The following NDFIP2 variants were observed in gnomAD, a reference collection of about 807,000 sequenced individuals.
The protein encoded by NDFIP2 is NEDD4 family-interacting protein 2.
A neutral mutation model predicts 36.0 loss-of-function variants in NDFIP2; 19 were observed. That is an observed-to-expected ratio of 0.53 (90% CI 0.37 to 0.77). The LOEUF (loss-of-function observed/expected upper bound fraction) is 0.77. Among genes scored for constraint, NDFIP2 ranks in the 30% least tolerant of loss-of-function variants. NDFIP2 has a pLI of 0.00. For synonymous variants in NDFIP2, 181 were observed against 167.7 expected, an observed-to-expected ratio of 1.08 and a Z score of -0.61; for missense variants, 446 against 435.8, an observed-to-expected ratio of 1.02 and a Z score of -0.21.
chr13:79,481,273 C>A lies in NDFIP2; in HGVS notation c.70C>A (p.Pro24Thr), dbSNP rs765339990. 1.5e-5 allele frequency: 23 copies of A among 1,537,338 alleles called. No homozygotes were observed. In the African/African-American group the frequency reaches 2.7e-4, roughly 18 times the overall value. The change falls in exon 1 of 8, where the codon CCG (proline) becomes ACG (threonine). Residue 24 changes from proline to threonine, a missense_variant. Around this residue, in one of 2 missense-constraint regions of NDFIP2, gnomAD observed 369 missense variants for 304.8 expected, o/e 1.21. Coordinates refer to ENST00000218652, the MANE Select transcript of NDFIP2 (RefSeq NM_019080.3). ...CATGCTCAATAGCGCGCGCGGCGCC[C>A]CGGAGCTTCTCCGCGGAACCGCGAC... ...PSMLNSARGA[P>T]ELLRGTATNA...
Position 79,542,393 on chromosome 13 carries a change from T to C in NDFIP2, c.716-1165T>C, listed in dbSNP as rs558466315. 7.6e-4 allele frequency among the ~76,000 whole-genome samples: 116 copies of C among 152,332 alleles called. 1 individual carries two copies. Among genetic ancestry groups the C allele is most frequent in the Non-Finnish European group, 1.5e-3 (101 of 68,014 alleles). Reference sequence around the variant, plus strand: ...TCTGATTTGTAAGAAATTGCCAAACTGTCTTCCAAAGTGGCTGTACTATTT... The same window carrying C: ...TCTGATTTGTAAGAAATTGCCAAACCGTCTTCCAAAGTGGCTGTACTATTT... On this transcript the variant is annotated intron_variant, in intron 4 of 7. Coordinates refer to ENST00000218652, the MANE Select transcript of NDFIP2 (RefSeq NM_019080.3).
chr13:79,532,829 T>C (rs1875068818), intron 2 of NDFIP2, among the ~76,000 whole-genome samples: 1 of 152,216 alleles, frequency 6.6e-6, no homozygotes, highest in Non-Finnish European at 1.5e-5. Flanking sequence ...TGTTTAATAT[T>C]GTGCAAGTAA....
At chr13:79,528,578 C>T (rs780143432) in intron 2 of NDFIP2, among the ~76,000 whole-genome samples, 1 of 152,166 alleles carries the variant, frequency 6.6e-6, no homozygotes, top group African/African-American at 2.4e-5. Context: ...AGAGCAACTT[C>T]CAGTCTTCTA....
Position 79,528,172 on chromosome 13 carries a change from A to G in NDFIP2, c.488-5151A>G, listed in dbSNP as rs113576602. Reference sequence around the variant, plus strand: ...CTGCTTGGGAGTCTGAGGTGAGACAATTGATTGAGACTGGGAAGTTGAGGC... The same window carrying G: ...CTGCTTGGGAGTCTGAGGTGAGACAGTTGATTGAGACTGGGAAGTTGAGGC... On this transcript the variant is annotated intron_variant, in intron 2 of 7. Transcript: ENST00000218652. Among the ~76,000 whole-genome samples the G allele has an allele frequency of 1.4e-4, 21 of 152,016 alleles. 2 individuals carry two copies. Among genetic ancestry groups the G allele is most frequent in the South Asian group, 6.2e-4 (3 of 4,824 alleles).
intron 1 of NDFIP2, among the ~76,000 whole-genome samples, chr13:79,492,896 CT>C (rs1873297675): frequency 6.6e-6 from 1 of 152,078 alleles, no homozygotes; most frequent in Non-Finnish European, 1.5e-5. Context: ...TCTTTTCTCC[CT>C]CCTTCTTCCA....
intron 1 of NDFIP2, among the ~76,000 whole-genome samples, chr13:79,504,149 TAATG>T (rs1338792182): frequency 5.9e-5 from 9 of 152,200 alleles, no homozygotes; most frequent in African/African-American, 1.9e-4. Flanking sequence ...AGTTTTAAAT[TAATG>T]TATTTGTTTT....
intron 1 of NDFIP2, among the ~76,000 whole-genome samples, chr13:79,501,509 AT>A (rs1873666535): frequency 6.6e-6 from 1 of 152,092 alleles, no homozygotes; most frequent in African/African-American, 2.4e-5. Flanking sequence ...GTGAATCAGT[AT>A]AGGGGGATAC....
chr13:79,484,899 G>T (rs1161049088), intron 1 of NDFIP2, among the ~76,000 whole-genome samples: 3 of 152,166 alleles, frequency 2.0e-5, no homozygotes, highest in Non-Finnish European at 2.9e-5. Context: ...ACCTGACAAA[G>T]ATTATTGTGA....
chr13:79,507,566 G>T lies in NDFIP2; in HGVS notation c.322-13244G>T, dbSNP rs1008378259. Among the ~76,000 whole-genome samples, 2 of 18,064 alleles carry T rather than the reference G, an allele frequency of 1.1e-4. 1 individual carries two copies. The highest frequency in any genetic ancestry group is 1.6e-4 in the Non-Finnish European group (2 of 12,444). 11.9% of individuals were successfully genotyped at this position (18,064 alleles called of 152,430 possible). ...TGGGATTACAGGCGTGAGCCACCGC[G>T]CCCGGCCTCTGATTGAGTTTTTAGT... On this transcript the variant is annotated intron_variant, in intron 1 of 7. Coordinates refer to ENST00000218652, the MANE Select transcript of NDFIP2 (RefSeq NM_019080.3).
At chr13:79,538,036 G>A (rs1273871055) in intron 3 of NDFIP2, among the ~76,000 whole-genome samples, 2 of 152,170 alleles carry the variant, frequency 1.3e-5, no homozygotes, top group Non-Finnish European at 2.9e-5. Flanking sequence ...GCTGGAGCAG[G>A]AGGAAGAGAG....
intron 2 of NDFIP2, among the ~76,000 whole-genome samples, chr13:79,523,322 G>A (rs935797701): frequency 1.7e-4 from 26 of 152,158 alleles, no homozygotes. Flanking sequence ...CTGGGTTCAA[G>A]CGATTCTCCT....
chr13:79,538,458 A>G (rs1241582866), intron 3 of NDFIP2, among the ~76,000 whole-genome samples: 3 of 152,194 alleles, frequency 2.0e-5, no homozygotes, highest in Non-Finnish European at 4.4e-5. Flanking sequence ...AATTACTTCT[A>G]AGATAAAATG....
At chr13:79,490,807 T>C (rs1873197189) in intron 1 of NDFIP2, among the ~76,000 whole-genome samples, 1 of 152,184 alleles carries the variant, frequency 6.6e-6, no homozygotes, top group African/African-American at 2.4e-5. Flanking sequence ...GGTGAGGTTG[T>C]TTTGCATCCC....
chr13:79,489,580 C>T (rs1440089179), intron 1 of NDFIP2, among the ~76,000 whole-genome samples: 1 of 152,176 alleles, frequency 6.6e-6, no homozygotes, highest in Non-Finnish European at 1.5e-5. Flanking sequence ...AATTTGACCC[C>T]TTAGTAGATA....
At chr13:79,518,740 TGGA>T (rs1252870003) in intron 1 of NDFIP2, among the ~76,000 whole-genome samples, 1 of 152,222 alleles carries the variant, frequency 6.6e-6, no homozygotes, top group African/African-American at 2.4e-5. Flanking sequence ...CACTAAGACA[TGGA>T]GAAGATTTTA....
chr13:79,530,289 T>A (rs1005490988), intron 2 of NDFIP2, among the ~76,000 whole-genome samples: 6 of 151,920 alleles, frequency 3.9e-5, no homozygotes, highest in Non-Finnish European at 8.8e-5. Context: ...AAAAAAAAAA[T>A]TAGTATTTTT....
At chr13:79,536,793 G>A (rs1224351675) in intron 3 of NDFIP2, among the ~76,000 whole-genome samples, 2 of 152,072 alleles carry the variant, frequency 1.3e-5, no homozygotes, top group Non-Finnish European at 2.9e-5. Context: ...GGAGGCTGAG[G>A]CAAGCAGGTT....
intron 1 of NDFIP2, among the ~76,000 whole-genome samples, chr13:79,516,845 C>A (rs1483425382): frequency 5.9e-5 from 9 of 152,106 alleles, no homozygotes; most frequent in Non-Finnish European, 1.3e-4. Context: ...AGAGAACATT[C>A]AGTGAGGTCT....
In NDFIP2 at chr13:79,541,029, ATATT is replaced by A. The variant is rs1566667233; in HGVS notation, c.715+1255_715+1258del. On this transcript the variant is annotated intron_variant, in intron 4 of 7. Coordinates refer to ENST00000218652, the MANE Select transcript of NDFIP2 (RefSeq NM_019080.3). ...ATTTTGGTTTAACTGGTAATCCTAT[ATATT>A]AATAACATTTTAATAACAAACTTCT... 2.6e-5 allele frequency among the ~76,000 whole-genome samples: 4 copies of A among 152,270 alleles called. No individual in the cohort carries two copies. The East Asian group carries it at 7.7e-4, about 29-fold the overall frequency.
Sources: allele counts gnomAD v4.1 joint callset (sites outside exome capture counted in the v4.1 genomes callset), GRCh38; gene constraint gnomAD v4.1.1; regional missense constraint gnomAD v4.1.1; transcripts MANE v1.5; gene names NCBI Gene and HGNC (gene_info 2026-07-23, HGNC 2026-07-21).